Variants in EMP2 observed in about 807,000 individuals in gnomAD.
The protein encoded by EMP2 is epithelial membrane protein 2.
A neutral mutation model predicts 13.7 loss-of-function variants in EMP2; 19 were observed. The observed-to-expected ratio is 1.38, with a 90% CI of 0.97 to 2.03. The LOEUF is 2.03. EMP2 is among the 30% of genes most tolerant of loss of function. EMP2 has a pLI of 0.00. For missense variants in EMP2, 253 were observed against 220.7 expected (o/e 1.15, Z -0.93); for synonymous variants, 97 against 84.7 (o/e 1.15, Z -0.80).
chr16:10,560,280 C>T (rs7205911), intron 1 of EMP2, among the ~76,000 whole-genome samples: 10 of 152,194 alleles, frequency 6.6e-5, no homozygotes, highest in Middle Eastern at 3.4e-3. Context: ...CTGGGGACAA[C>T]GGAAGCAGAG....
rs901707569 is a variant in EMP2 at position 10,528,940 on chromosome 16, A to G, written c.*3965T>C. 1 of 152,192 alleles carries G rather than the reference A, an allele frequency of 6.6e-6. No individual in the cohort carries two copies. Among genetic ancestry groups the G allele is most frequent in the African/African-American group, 2.4e-5 (1 of 41,436 alleles). 9.4% of individuals were successfully genotyped at this position (152,192 alleles called of 1,614,324 possible). On this transcript the variant is annotated 3_prime_UTR_variant, in exon 5 of 5. Coordinates refer to ENST00000359543, the MANE Select transcript of EMP2 (RefSeq NM_001424.6). The stretch of plus-strand genomic sequence containing the variant: ...AGCGTCCTAGAGCGCCAGCCTGTTC[A>G]TGAGGGGTGTCCACAAAAGCACGCA...
At chr16:10,579,270 C>G (rs1158709897) in intron 1 of EMP2, among the ~76,000 whole-genome samples, 4 of 152,140 alleles carry the variant, frequency 2.6e-5, no homozygotes, top group Non-Finnish European at 5.9e-5. Flanking sequence ...AGGCCGAATT[C>G]CAGGAAGAGG....
chr16:10,574,779 T>C (rs1596383781), intron 1 of EMP2, among the ~76,000 whole-genome samples: 1 of 151,968 alleles, frequency 6.6e-6, no homozygotes. Flanking sequence ...CTCGATCTCC[T>C]GACCTCACCA....
At chr16:10,570,386 C>A (rs540310992) in intron 1 of EMP2, among the ~76,000 whole-genome samples, 8 of 152,098 alleles carry the variant, frequency 5.3e-5, no homozygotes, top group African/African-American at 1.9e-4. Flanking sequence ...CCACCACACC[C>A]AGCTAATGTT....
At chr16:10,562,425 G>C (rs2050879345) in intron 1 of EMP2, among the ~76,000 whole-genome samples, 1 of 149,686 alleles carries the variant, frequency 6.7e-6, no homozygotes, top group African/African-American at 2.5e-5. Context: ...CCCAGTAACT[G>C]TGTGAACAAG....
At chr16:10,562,378 C>CTCTCTCTCTCTCTCTCTCTA (rs1312547668) in intron 1 of EMP2, among the ~76,000 whole-genome samples, 4 of 135,482 alleles carry the variant, frequency 3.0e-5, no homozygotes, top group Admixed American at 7.3e-5. Context: ...CTCTCTCTCT[C>CTCTCTCTCTCTCTCTCTCTA]TCTATCTATC....
chr16:10,554,872 C>T (rs2050815731), intron 1 of EMP2, among the ~76,000 whole-genome samples: 2 of 152,258 alleles, frequency 1.3e-5, no homozygotes, highest in South Asian at 4.1e-4. Flanking sequence ...GAAAAGCACC[C>T]CTGAGCATAC....
intron 1 of EMP2, among the ~76,000 whole-genome samples, chr16:10,579,706 G>A (rs1348474634): frequency 3.7e-5 from 2 of 54,274 alleles, no homozygotes; most frequent in Non-Finnish European, 6.4e-5. Flanking sequence ...TAAGATCAAG[G>A]TGCACACACA....
At chr16:10,542,973 G>C (rs1474935934) in intron 3 of EMP2, among the ~76,000 whole-genome samples, 1 of 152,246 alleles carries the variant, frequency 6.6e-6, no homozygotes, top group African/African-American at 2.4e-5. Context: ...AGCCTCCTCA[G>C]TGGCTGGGAT....
intron 4 of EMP2, 69 bp downstream of exon 4, chr16:10,537,859 C>T: frequency 6.3e-7 from 1 of 1,581,058 alleles, no homozygotes; most frequent in Non-Finnish European, 8.6e-7. Flanking sequence ...TGGCTTCCCT[C>T]CTGGCGGCTG....
intron 1 of EMP2, among the ~76,000 whole-genome samples, chr16:10,563,292 A>G (rs886158565): frequency 1.3e-5 from 2 of 152,208 alleles, no homozygotes; most frequent in South Asian, 2.1e-4. Flanking sequence ...CCTGCATTCA[A>G]GTGATTCTCC....
In EMP2 at chr16:10,580,321, G is replaced by A. The variant is rs985772623; in HGVS notation, c.-61+228C>T. Among the ~76,000 whole-genome samples, 2 of 152,222 alleles carry A rather than the reference G, an allele frequency of 1.3e-5. No individual in the cohort carries two copies. The highest frequency in any genetic ancestry group is 4.8e-5 in the African/African-American group (2 of 41,464). ...CCGCCTGCTTCGGCTCAAAAGGCGTGGGAAGCTGTCCCGGGATGGCGAAGT... is the reference window on the plus strand; with the variant it reads ...CCGCCTGCTTCGGCTCAAAAGGCGTAGGAAGCTGTCCCGGGATGGCGAAGT... On this transcript the variant is annotated intron_variant, in intron 1 of 4. Transcript: ENST00000359543. The surrounding 1 kb of genome is among the most constrained non-coding windows in gnomAD (Gnocchi z 4.3).
intron 1 of EMP2, among the ~76,000 whole-genome samples, chr16:10,550,353 C>A (rs560675624): frequency 6.6e-6 from 1 of 152,308 alleles, no homozygotes; most frequent in African/African-American, 2.4e-5. Flanking sequence ...AGCTGATACA[C>A]TGCATTTTCG....
chr16:10,577,565 C>A (rs2050992074), intron 1 of EMP2, among the ~76,000 whole-genome samples: 1 of 152,124 alleles, frequency 6.6e-6, no homozygotes, highest in Admixed American at 6.5e-5. Flanking sequence ...ACCACCACAC[C>A]AATCCCCATT....
intron 1 of EMP2, among the ~76,000 whole-genome samples, chr16:10,565,498 C>T (rs1299557042): frequency 6.6e-6 from 1 of 152,230 alleles, no homozygotes; most frequent in Non-Finnish European, 1.5e-5. Context: ...CTGGCCCGCC[C>T]TGCAGATTTT....
chr16:10,538,145 G>A lies in EMP2; in HGVS notation c.170-71C>T, dbSNP rs569767393. 86 of 1,567,278 alleles carry A rather than the reference G, an allele frequency of 5.5e-5. 1 individual carries two copies. In the Middle Eastern group the frequency reaches 7.0e-4, roughly 13 times the overall value. ...CGGCACTGTGGGGTACACAGCGACC[G>A]CAGCAGCTCCAGAGTAGGTGTGACA... is the stretch of plus-strand genomic sequence containing the variant. On this transcript the variant is annotated intron_variant, in intron 3 of 4. Transcript: ENST00000359543.
chr16:10,534,840 G>T (rs2077121567), intron 4 of EMP2, among the ~76,000 whole-genome samples: 2 of 152,242 alleles, frequency 1.3e-5, no homozygotes, highest in African/African-American at 4.8e-5. Context: ...AGGTTCTGTG[G>T]TTTTCCTTGG....
At position 10,532,677 on chromosome 16, in the gene EMP2, G is replaced by A. The variant is rs979692780; in HGVS notation, c.*228C>T. ...AGACTTTTGAGTGGGCAGCAGTTCT[G>A]AATACCAGCCTTCATAGTCTATTCT... On this transcript the variant is annotated 3_prime_UTR_variant, in exon 5 of 5. Coordinates refer to ENST00000359543, the MANE Select transcript of EMP2 (RefSeq NM_001424.6). The A allele has an allele frequency of 6.4e-6, 2 of 314,422 alleles. No individual in the cohort carries two copies. The highest frequency in any genetic ancestry group is 5.5e-6 in the Non-Finnish European group (1 of 182,922). 19.5% of individuals were successfully genotyped at this position (314,422 alleles called of 1,614,324 possible).
intron 1 of EMP2, among the ~76,000 whole-genome samples, chr16:10,565,840 G>C (rs1167644930): frequency 1.3e-5 from 2 of 152,210 alleles, no homozygotes; most frequent in African/African-American, 4.8e-5. Context: ...GGGGCTATGA[G>C]GTGGCCATGC....
Sources: allele counts gnomAD v4.1 joint callset (sites outside exome capture counted in the v4.1 genomes callset), GRCh38; gene constraint gnomAD v4.1.1; non-coding constraint Gnocchi (gnomAD v3.1); transcripts MANE v1.5; gene names NCBI Gene and HGNC (gene_info 2026-07-23, HGNC 2026-07-21).